The following ACSF2 variants were observed in gnomAD, a reference collection of about 807,000 sequenced individuals.
The protein encoded by ACSF2 is medium-chain acyl-CoA ligase ACSF2, mitochondrial.
ACSF2 carries 52 observed loss-of-function variants against 79.3 expected under a neutral mutation model. The observed-to-expected ratio is 0.66, with a 90% CI of 0.53 to 0.83. ACSF2 has a LOEUF of 0.83. Among genes scored for constraint, ACSF2 ranks in the 40% least tolerant of loss-of-function variants. ACSF2 has a pLI of 0.00. For missense variants in ACSF2, 661 were observed against 803.3 expected (o/e 0.82, Z 2.14); for synonymous variants, 283 against 312.6 (o/e 0.91, Z 1.00).
intron 1 of ACSF2, among the ~76,000 whole-genome samples, chr17:50,441,117 C>G (rs374832492): frequency 1.3e-5 from 2 of 152,242 alleles, no homozygotes; most frequent in East Asian, 3.8e-4. Flanking sequence ...CCAGATTTGC[C>G]ACCCATCAGG....
chr17:50,463,837 A>G lies in ACSF2; in HGVS notation c.1066A>G (p.Thr356Ala). Residue 356 changes from threonine to alanine, a missense_variant, in exon 9 of 16, where the codon ACC becomes GCC. Coordinates refer to ENST00000300441, the MANE Select transcript of ACSF2 (RefSeq NM_025149.6). This position sits in a 1 kb window ranked among gnomAD's most constrained non-coding sequence, Gnocchi z 4.6. ...ATACAGAGGCACCTTCCTGTATGGT[A>G]CCCCCACGATGTTCGTGGACATTCT... Reference protein sequence around the residue: ...SRERGTFLYGTPTMFVDILNQ... With the variant: ...SRERGTFLYGAPTMFVDILNQ... 1.2e-6 allele frequency: 2 copies of G among 1,613,808 alleles called. No homozygotes were observed. The highest frequency in any genetic ancestry group is 1.6e-4 in the Middle Eastern group (1 of 6,062).
intron 1 of ACSF2, among the ~76,000 whole-genome samples, chr17:50,430,405 C>A (rs1353653070): frequency 1.3e-5 from 2 of 152,306 alleles, no homozygotes; most frequent in Non-Finnish European, 2.9e-5. Flanking sequence ...CAGTGGCTCA[C>A]ACCTGTAATC....
Position 50,474,015 on chromosome 17 carries a change from C to T in ACSF2, c.1728+11C>T, listed in dbSNP as rs1477141076. On this transcript the variant is annotated intron_variant, in intron 14 of 15. Coordinates refer to ENST00000300441, the MANE Select transcript of ACSF2 (RefSeq NM_025149.6). The surrounding 1 kb of genome is among the most constrained non-coding windows in gnomAD (Gnocchi z 4.2). ...TTCTGCAAAGGGAAGGTGGGAGCCT[C>T]CGCTCAACCTAGCTGATGCTGCTCT... 9 of 1,519,560 alleles carry T rather than the reference C, an allele frequency of 5.9e-6. No homozygotes were observed. Among genetic ancestry groups the T allele is most frequent in the Non-Finnish European group, 6.2e-6 (7 of 1,133,154 alleles). The allele number at this position is 1,519,560 out of a possible 1,614,324, so 94.1% of individuals were successfully genotyped here. A position where few individuals can be genotyped will look rare whatever the true frequency, so the allele number is the denominator to read the frequency against.
intron 1 of ACSF2, among the ~76,000 whole-genome samples, chr17:50,440,629 G>A (rs1041609601): frequency 3.3e-5 from 5 of 152,212 alleles, no homozygotes; most frequent in Admixed American, 1.3e-4. Context: ...TCTAGCCCCC[G>A]ACTTTAGTTG....
intron 1 of ACSF2, among the ~76,000 whole-genome samples, chr17:50,435,869 C>T (rs536300526): frequency 6.6e-6 from 1 of 152,068 alleles, no homozygotes; most frequent in Admixed American, 6.5e-5. Flanking sequence ...TCTCCTGCCT[C>T]AGCCTCCCAA....
chr17:50,474,400 C>T lies in ACSF2; in HGVS notation c.1798-102C>T, dbSNP rs900453072. The T allele has an allele frequency of 3.3e-6, 5 of 1,510,436 alleles. No individual in the cohort carries two copies. Among genetic ancestry groups the T allele is most frequent in the Non-Finnish European group, 4.6e-6 (5 of 1,088,680 alleles). 93.6% of individuals were successfully genotyped at this position (1,510,436 alleles called of 1,614,324 possible). On this transcript the variant is annotated intron_variant, in intron 15 of 15. Coordinates refer to ENST00000300441, the MANE Select transcript of ACSF2 (RefSeq NM_025149.6). The surrounding 1 kb of genome is among the most constrained non-coding windows in gnomAD (Gnocchi z 4.2). The stretch of plus-strand genomic sequence containing the variant: ...GACCGGGTCACCTAATCCTGGTTTG[C>T]CTGGGGACTTTCCCTGTTTTGGCAC...
rs2032315495 is a variant in ACSF2, at chr17:50,461,358, G to A, written c.441G>A (p.Ala147=). 1.9e-5 allele frequency: 30 copies of A among 1,613,938 alleles called. No individual in the cohort carries two copies. The highest frequency in any genetic ancestry group is 1.6e-4 in the Middle Eastern group (1 of 6,080). The change falls in exon 3 of 16, where the codon GCG becomes GCA. Residue 147 remains alanine, a synonymous_variant. Transcript: ENST00000300441. ...TCATGCAGTTGGCCACCGCCCAGGC[G>A]GGCATCATTCTGGTGAGGAGGGGCT... The part of the protein sequence containing the change: ...WVLMQLATAQ[A]GIILVSVNPA...
intron 10 of ACSF2, among the ~76,000 whole-genome samples, chr17:50,469,261 C>T (rs1395464199): frequency 6.6e-6 from 1 of 152,234 alleles, no homozygotes; most frequent in Non-Finnish European, 1.5e-5. Flanking sequence ...AGCCTCCACG[C>T]CGCGCCATCC....
chr17:50,439,157 A>T (rs1159476377), intron 1 of ACSF2, among the ~76,000 whole-genome samples: 1 of 149,896 alleles, frequency 6.7e-6, no homozygotes, highest in Non-Finnish European at 1.5e-5. Flanking sequence ...TGCAGCCTCA[A>T]CCTCCTGGGC....
chr17:50,469,394 C>G (rs1050370035), intron 10 of ACSF2, among the ~76,000 whole-genome samples: 5 of 152,186 alleles, frequency 3.3e-5, no homozygotes, highest in African/African-American at 1.2e-4. Context: ...CGGCGCCTGC[C>G]GAGCGTGAGA....
chr17:50,441,715 T>C (rs1389274098), intron 1 of ACSF2, among the ~76,000 whole-genome samples: 2 of 152,232 alleles, frequency 1.3e-5, no homozygotes, highest in Non-Finnish European at 2.9e-5. Flanking sequence ...TGAAGAGAGC[T>C]GGCATGAGGA....
Position 50,472,443 on chromosome 17 carries a change from A to T in ACSF2, c.1339A>T (p.Met447Leu), listed in dbSNP as rs1427267446. 6.2e-7 allele frequency: 1 copy of T among 1,612,280 alleles called. No individual in the cohort carries two copies. The highest frequency in any genetic ancestry group is 8.5e-7 in the Non-Finnish European group (1 of 1,179,190). Residue 447 changes from methionine (M) to leucine (L), a missense_variant, in exon 12 of 16, where the codon ATG (methionine) becomes TTG (leucine). By Grantham distance (15) the Met-to-Leu change is conservative (BLOSUM62 2). Transcript: ENST00000300441. Reference sequence around the variant, plus strand: ...CCTGTCCCAGGCCCGGATCATGAACATGGAGGCAGGGACGCTGGCAAAGCT... The same window carrying T: ...CCTGTCCCAGGCCCGGATCATGAACTTGGAGGCAGGGACGCTGGCAAAGCT... The part of the protein sequence containing the change: ...MPHTEARIMN[M>L]EAGTLAKLNT...
At chr17:50,461,927 GGTGTGTGT>G (rs35178435) in intron 4 of ACSF2, among the ~76,000 whole-genome samples, 21 of 148,118 alleles carry the variant, frequency 1.4e-4, no homozygotes, top group African/African-American at 3.8e-4. Flanking sequence ...TCAGGGCAGA[GGTGTGTGT>G]GTGTGTGTGT....
Position 50,471,542 on chromosome 17 carries a change from A to C in ACSF2, c.1323+407A>C. 4.7e-6 allele frequency: 1 copy of C among 211,202 alleles called. No individual in the cohort carries two copies. Among genetic ancestry groups the C allele is most frequent in the Non-Finnish European group, 9.8e-6 (1 of 102,270 alleles). The allele number at this position is 211,202 out of a possible 1,614,324, so 13.1% of individuals were successfully genotyped here. A position where few individuals can be genotyped will look rare whatever the true frequency, so the allele number is the denominator to read the frequency against. ...GAGTTCTTCTTCTTGCTTGGCGTAA[A>C]CACTTCATTTCCCAAGCAGCCTATC... On this transcript the variant is annotated intron_variant, in intron 11 of 15. Transcript: ENST00000300441. This position sits in a 1 kb window ranked among gnomAD's most constrained non-coding sequence, Gnocchi z 4.1.
chr17:50,426,807 A>G, intron 1 of ACSF2: 1 of 1,300,408 alleles, frequency 7.7e-7, no homozygotes. Context: ...GACCCAGGCC[A>G]CTAAACTTAG....
chr17:50,460,598 G>A (rs1039834198), intron 1 of ACSF2, 79 bp from the exon 2 acceptor site: 3 of 1,366,786 alleles, frequency 2.2e-6, no homozygotes, highest in Non-Finnish European at 3.0e-6. Flanking sequence ...CTACCCCCTG[G>A]CTTGGCTGGG....
At chr17:50,464,770 G>GGGC (rs565678266) in intron 10 of ACSF2, 27 of 163,352 alleles carry the variant, frequency 1.7e-4, no homozygotes, top group African/African-American at 2.2e-4. Flanking sequence ...TGATTGACTT[G>GGGC]GGGGGGGGGT....
At chr17:50,468,984 C>T (rs745645069) in intron 10 of ACSF2, 205 of 1,366,298 alleles carry the variant, frequency 1.5e-4, no homozygotes, top group Non-Finnish European at 1.8e-4. Context: ...TTAACTCGCT[C>T]GCGCCCAGAG....
rs1237486971 is a variant in ACSF2 at position 50,462,321 on chromosome 17, AGTGGGTG to A, written c.626+23_626+29del. On this transcript the variant is annotated intron_variant, in intron 5 of 15. Transcript: ENST00000300441. ...GTCAGAGGTGGGTGTGTCCCAGGTT[AGTGGGTG>A]GTGCATCATTCAGCATCCCTGATTC... 5 of 1,613,120 alleles carry A rather than the reference AGTGGGTG, an allele frequency of 3.1e-6. No individual in the cohort carries two copies. The South Asian group carries it at 5.5e-5, about 18-fold the overall frequency.
Sources: allele counts gnomAD v4.1 joint callset (sites outside exome capture counted in the v4.1 genomes callset), GRCh38; gene constraint gnomAD v4.1.1; non-coding constraint Gnocchi (gnomAD v3.1); transcripts MANE v1.5; gene names NCBI Gene and HGNC (gene_info 2026-07-23, HGNC 2026-07-21).